The following MAP3K5 variants were observed in gnomAD, a reference collection of about 807,000 sequenced individuals.
The protein encoded by MAP3K5 is ASK-1.
MAP3K5 carries 56 observed loss-of-function variants against 158.7 expected under a neutral mutation model. That is an observed-to-expected ratio of 0.35 (90% CI 0.28 to 0.44). The LOEUF (loss-of-function observed/expected upper bound fraction) is 0.44, where lower values mean the gene tolerates loss of function less well. MAP3K5 is among the 20% of genes least tolerant of loss of function. The probability of loss-of-function intolerance (pLI) is 1.00; values close to 1 mark genes in which losing one functional copy is unlikely to be tolerated. For synonymous variants in MAP3K5, 579 were observed against 601.7 expected (o/e 0.96, Z 0.55); for missense variants, 1,294 against 1,674.8 (o/e 0.77, Z 3.97).
intron 21 of MAP3K5, among the ~76,000 whole-genome samples, chr6:136,595,381 A>G (rs904505831): frequency 3.3e-5 from 5 of 152,334 alleles, no homozygotes; most frequent in Non-Finnish European, 5.9e-5. Flanking sequence ...CTGGGATTAC[A>G]GGTGTTGAGC....
At chr6:136,746,480 C>T (rs191371534) in intron 1 of MAP3K5, among the ~76,000 whole-genome samples, 102 of 152,124 alleles carry the variant, frequency 6.7e-4, no homozygotes, top group Non-Finnish European at 1.2e-3. Context: ...AAATGACTAG[C>T]GAGGCACTGA....
chr6:136,641,020 T>C (rs1777905416), intron 12 of MAP3K5, among the ~76,000 whole-genome samples: 1 of 152,218 alleles, frequency 6.6e-6, no homozygotes, highest in Non-Finnish European at 1.5e-5. Context: ...AATTTATTCA[T>C]TGGAAAACAG....
intron 3 of MAP3K5, among the ~76,000 whole-genome samples, chr6:136,699,296 C>G (rs1409023098): frequency 6.6e-6 from 1 of 152,184 alleles, no homozygotes; most frequent in Non-Finnish European, 1.5e-5. Context: ...TCTCGGCCAA[C>G]ACTTTAGTCC....
At chr6:136,606,498 C>T (rs1447972980) in intron 18 of MAP3K5, among the ~76,000 whole-genome samples, 1 of 152,054 alleles carries the variant, frequency 6.6e-6, no homozygotes, top group Non-Finnish European at 1.5e-5. Context: ...CTAGTATACC[C>T]CAGGTAAACA....
intron 1 of MAP3K5, among the ~76,000 whole-genome samples, chr6:136,754,845 G>A (rs6925405): frequency 0.53 from 80,707 of 151,892 alleles, 21,850 homozygotes; most frequent in African/African-American, 0.62. Flanking sequence ...CAGAGGAAAC[G>A]GGGCTGAGGC....
intron 7 of MAP3K5, among the ~76,000 whole-genome samples, chr6:136,673,710 GAA>G (rs74273362): frequency 1.0e-3 from 109 of 107,744 alleles, no homozygotes; most frequent in Middle Eastern, 4.5e-3. Context: ...CAGAGATATA[GAA>G]AAAAAAAAAA....
chr6:136,583,489 T>C, intron 24 of MAP3K5, 66 bp downstream of exon 24: 3 of 1,383,764 alleles, frequency 2.2e-6, no homozygotes, highest in Middle Eastern at 3.7e-4. Flanking sequence ...ACAGAACTTA[T>C]GTTTTATCTT....
At chr6:136,695,893 A>C in intron 6 of MAP3K5, 58 bp downstream of exon 6, 1 of 988,838 alleles carries the variant, frequency 1.0e-6, no homozygotes, top group African/African-American at 1.6e-5. Context: ...TCTGTAAAGA[A>C]TTGCAGGTTA....
chr6:136,666,605 A>G (rs1779239909), intron 8 of MAP3K5, among the ~76,000 whole-genome samples: 1 of 152,168 alleles, frequency 6.6e-6, no homozygotes, highest in Non-Finnish European at 1.5e-5. Context: ...ACTATCAATT[A>G]ACATCATTAT....
Position 136,592,515 on chromosome 6 carries a change from A to G in MAP3K5, c.2978T>C (p.Val993Ala). Residue 993 changes from valine to alanine, a missense_variant, in exon 22 of 30, where the codon GTG becomes GCG. Around this residue, in one of 5 missense-constraint regions of MAP3K5, gnomAD observed 362 missense variants for 463.2 expected, o/e 0.78. Transcript: ENST00000359015. ...GSVSPDTELK[V>A]DPFSFKTRAK... ...TCTTGTTTTGAAAGAGAAGGGGTCC[A>G]CTTTCAACTCCGTGTCGGGTGAAAC... 2 of 1,613,834 alleles carry G rather than the reference A, an allele frequency of 1.2e-6. No individual in the cohort carries two copies. Among genetic ancestry groups the G allele is most frequent in the Non-Finnish European group, 1.7e-6 (2 of 1,179,934 alleles).
chr6:136,776,354 C>T (rs1170856970), intron 1 of MAP3K5, among the ~76,000 whole-genome samples: 1 of 152,164 alleles, frequency 6.6e-6, no homozygotes, highest in Non-Finnish European at 1.5e-5. Context: ...AAGTGATCCT[C>T]CCACCTCAGC....
At chr6:136,580,216 T>C (rs1774808180) in intron 25 of MAP3K5, 85 bp downstream of exon 25, 2 of 905,570 alleles carry the variant, frequency 2.2e-6, no homozygotes, top group Non-Finnish European at 3.7e-6. Flanking sequence ...TTTAAAGTAC[T>C]AAGGTGATAT....
At chr6:136,678,206 T>C (rs1376510334) in intron 7 of MAP3K5, among the ~76,000 whole-genome samples, 1 of 152,220 alleles carries the variant, frequency 6.6e-6, no homozygotes, top group African/African-American at 2.4e-5. Flanking sequence ...AAAATAAATA[T>C]TGCTTTTATA....
At position 136,670,631 on chromosome 6, in the gene MAP3K5, C is replaced by A. The variant is rs570955820; in HGVS notation, c.1254-1236G>T. Reference sequence around the variant, plus strand: ...ATTGTAGGCACAATAAATGTATATTCTTGGCTTTTATATATACTCAAAATT... The same window carrying A: ...ATTGTAGGCACAATAAATGTATATTATTGGCTTTTATATATACTCAAAATT... On this transcript the variant is annotated intron_variant, in intron 7 of 29. Coordinates refer to ENST00000359015, the MANE Select transcript of MAP3K5 (RefSeq NM_005923.4). Among the ~76,000 whole-genome samples the A allele has an allele frequency of 1.7e-4, 26 of 152,144 alleles. No homozygotes were observed. In the East Asian group the frequency reaches 4.8e-3, roughly 28 times the overall value.
chr6:136,698,767 T>C, intron 3 of MAP3K5, 85 bp from the exon 4 acceptor site: 1 of 879,356 alleles, frequency 1.1e-6, no homozygotes, highest in Non-Finnish European at 1.8e-6. Flanking sequence ...TCATTTTAAA[T>C]AATTCCAAAT....
chr6:136,659,178 C>A, intron 9 of MAP3K5, 41 bp downstream of exon 9: 1 of 1,478,972 alleles, frequency 6.8e-7, no homozygotes, highest in Non-Finnish European at 9.4e-7. Flanking sequence ...CAATATGGAG[C>A]TGTTTATTAA....
intron 7 of MAP3K5, among the ~76,000 whole-genome samples, chr6:136,691,774 G>A (rs1378444154): frequency 6.6e-6 from 1 of 152,008 alleles, no homozygotes; most frequent in Non-Finnish European, 1.5e-5. Context: ...CTGTTAATCT[G>A]ATTTGATGAC....
chr6:136,639,020 T>C (rs1777786242), intron 13 of MAP3K5, among the ~76,000 whole-genome samples: 1 of 152,174 alleles, frequency 6.6e-6, no homozygotes, highest in South Asian at 2.1e-4. Context: ...CCATGGATTT[T>C]TGGATGATCT....
chr6:136,655,608 C>A (rs1583354623), intron 10 of MAP3K5, among the ~76,000 whole-genome samples: 1 of 152,144 alleles, frequency 6.6e-6, no homozygotes, highest in Non-Finnish European at 1.5e-5. Context: ...TTTGTACATA[C>A]AGGGAGTTGC....
Sources: gnomAD v4.1 joint callset for allele counts (sites outside exome capture counted in the v4.1 genomes callset) on GRCh38, gnomAD v4.1.1 for gene constraint, gnomAD v4.1.1 regional missense constraint, MANE v1.5 for transcripts, NCBI Gene and HGNC (gene_info 2026-07-23, HGNC 2026-07-21) for gene names.